Variants in NRG1 observed in about 807,000 individuals in gnomAD.
NRG1 encodes the protein pro-neuregulin-1, membrane-bound isoform.
NRG1 carries 18 observed loss-of-function variants against 63.8 expected under a neutral mutation model. The ratio of observed to expected loss-of-function variants is 0.28; its 90% confidence interval spans 0.19 to 0.42. The LOEUF (loss-of-function observed/expected upper bound fraction) is 0.42, where lower values mean the gene tolerates loss of function less well. Ranked by LOEUF, NRG1 falls within the 10% of genes least tolerant of loss-of-function variation. NRG1 has a pLI of 1.00. For synonymous variants in NRG1, 302 were observed against 301.3 expected (o/e 1.00, Z -0.02); for missense variants, 762 against 814.7 (o/e 0.94, Z 0.79).
At chr8:31,925,702 A>AT (rs1834303497) in intron 1 of NRG1, among the ~76,000 whole-genome samples, 1 of 63,700 alleles carries the variant, frequency 1.6e-5, no homozygotes, top group Admixed American at 1.9e-4. Context: ...CTATTTTCTT[A>AT]TTAATTAATC....
In NRG1 at chr8:31,958,469, A is replaced by AT. The variant is rs542347246; in HGVS notation, c.37+319039dup. Among the ~76,000 whole-genome samples the AT allele has an allele frequency of 4.6e-3, 702 of 152,298 alleles. 6 individuals carry two copies. Among genetic ancestry groups the AT allele is most frequent in the Non-Finnish European group, 6.8e-3 (461 of 68,032 alleles). ...CTCTGTTGGCATTTTTAAATGTGTC[A>AT]TATGTGGCTGGGTTGTGGGGTACAA... is the stretch of plus-strand genomic sequence containing the variant. On this transcript the variant is annotated intron_variant, in intron 1 of 10. Coordinates refer to the NRG1 transcript ENST00000519301.
At chr8:32,264,182 T>C (rs192023428) in intron 1 of NRG1, among the ~76,000 whole-genome samples, 11 of 152,304 alleles carry the variant, frequency 7.2e-5, no homozygotes, top group Admixed American at 2.0e-4. Context: ...AAAACTCCTG[T>C]ATAAGAAGAA....
At chr8:32,287,286 A>C (rs558746656) in intron 1 of NRG1, 1 of 152,338 alleles carries the variant, frequency 6.6e-6, no homozygotes, top group African/African-American at 2.4e-5. Flanking sequence ...AGCAAGTCAC[A>C]GAACATCTGG....
At chr8:32,355,734 T>C (rs1806299391) in intron 1 of NRG1, among the ~76,000 whole-genome samples, 1 of 152,172 alleles carries the variant, frequency 6.6e-6, no homozygotes, top group Admixed American at 6.5e-5. Context: ...TTCCTCACCT[T>C]GATGTTGTCT....
At chr8:31,931,547 A>T (rs1440701118) in intron 1 of NRG1, among the ~76,000 whole-genome samples, 2 of 152,180 alleles carry the variant, frequency 1.3e-5, no homozygotes, top group South Asian at 2.1e-4. Context: ...TACACGCGTG[A>T]TAATTGTCCT....
intron 1 of NRG1, among the ~76,000 whole-genome samples, chr8:31,890,867 C>G (rs145491293): frequency 6.6e-6 from 1 of 152,088 alleles, no homozygotes; most frequent in Admixed American, 6.6e-5. Flanking sequence ...GAAATAGACA[C>G]GTTAATATGC....
At chr8:32,703,539 AAAAAG>A (rs994193662) in intron 5 of NRG1, among the ~76,000 whole-genome samples, 27 of 152,046 alleles carry the variant, frequency 1.8e-4, no homozygotes, top group Non-Finnish European at 2.5e-4. Flanking sequence ...TCTACAAAAA[AAAAAG>A]AAAAGAAAAG....
chr8:32,058,898 G>A (rs1471560771), intron 1 of NRG1, among the ~76,000 whole-genome samples: 1 of 151,910 alleles, frequency 6.6e-6, no homozygotes, highest in Non-Finnish European at 1.5e-5. Flanking sequence ...CCCTACTTCT[G>A]TCAATCACTC....
chr8:32,748,434 T>A (rs1828001406), intron 7 of NRG1, among the ~76,000 whole-genome samples: 1 of 151,358 alleles, frequency 6.6e-6, no homozygotes, highest in Non-Finnish European at 1.5e-5. Context: ...TCATGAAATT[T>A]GATTATCAGT....
At chr8:31,812,497 A>G (rs1170685942) in intron 1 of NRG1, among the ~76,000 whole-genome samples, 3 of 151,992 alleles carry the variant, frequency 2.0e-5, no homozygotes, top group East Asian at 3.9e-4. Context: ...GGAATACCCA[A>G]TTAGGGGTTT....
At chr8:32,548,795 G>T in exon 1 of NRG1, 3 of 1,582,902 alleles carry the variant, frequency 1.9e-6, no homozygotes, top group Non-Finnish European at 2.6e-6. Flanking sequence ...CCGGCAAGAA[G>T]CCGGAGTCCG....
chr8:32,500,094 G>A (rs1232844867), intron 1 of NRG1, among the ~76,000 whole-genome samples: 1 of 152,176 alleles, frequency 6.6e-6, no homozygotes, highest in Non-Finnish European at 1.5e-5. Context: ...AAGTATGTCT[G>A]CTTGTGTCTG....
At chr8:32,668,798 A>G (rs755019021) in intron 5 of NRG1, among the ~76,000 whole-genome samples, 17 of 152,204 alleles carry the variant, frequency 1.1e-4, no homozygotes, top group Admixed American at 2.6e-4. Flanking sequence ...TAGAAATAGA[A>G]AAAAGATAAG....
chr8:32,600,275 T>A (rs1211407046), intron 2 of NRG1, among the ~76,000 whole-genome samples: 4 of 151,940 alleles, frequency 2.6e-5, no homozygotes, highest in Non-Finnish European at 4.4e-5. Context: ...CTCTTTCACT[T>A]CTTTGTCCTT....
intron 1 of NRG1, among the ~76,000 whole-genome samples, chr8:32,426,051 A>G (rs1817322908): frequency 1.3e-5 from 2 of 152,204 alleles, no homozygotes; most frequent in Non-Finnish European, 2.9e-5. Flanking sequence ...TCCAAGTGTT[A>G]TGCTAGGTGA....
chr8:32,423,992 A>C (rs936109486), intron 1 of NRG1, among the ~76,000 whole-genome samples: 5 of 152,162 alleles, frequency 3.3e-5, no homozygotes, highest in Non-Finnish European at 7.3e-5. Flanking sequence ...GAATTCTACA[A>C]GTTTATGTCT....
intron 1 of NRG1, among the ~76,000 whole-genome samples, chr8:31,835,479 TGTAGTATAGACGCTTGATATTTCA>T (rs1369742678): frequency 3.9e-5 from 6 of 152,156 alleles, no homozygotes; most frequent in Non-Finnish European, 8.8e-5. Context: ...AGGAAATGGC[TGTAGTATAGACGCTTGATATTTCA>T]GCGATGATAA....
intron 5 of NRG1, among the ~76,000 whole-genome samples, chr8:32,721,046 A>AT (rs1820497709): frequency 6.6e-6 from 1 of 152,182 alleles, no homozygotes. Flanking sequence ...GGAAGAAATG[A>AT]TATCAGGGTC....
At chr8:32,079,366 G>T (rs183002647) in intron 1 of NRG1, among the ~76,000 whole-genome samples, 12 of 152,170 alleles carry the variant, frequency 7.9e-5, no homozygotes, top group Admixed American at 6.5e-4. Context: ...CAAAAGCAAT[G>T]TCCAGGTACT....
Sources: allele counts gnomAD v4.1 joint callset (sites outside exome capture counted in the v4.1 genomes callset), GRCh38; gene constraint gnomAD v4.1.1; transcripts MANE v1.5; gene names NCBI Gene and HGNC (gene_info 2026-07-23, HGNC 2026-07-21).